TEX14: variants seen among roughly 807,000 people sequenced by gnomAD.
The protein encoded by TEX14 is testis expressed 14, intercellular bridge forming factor.
In TEX14, 168 loss-of-function variants were observed where a neutral mutation model predicts 178.6. That is an observed-to-expected ratio of 0.94 (90% CI 0.83 to 1.07). TEX14 has a LOEUF of 1.07. Ranked by LOEUF, TEX14 falls within the 50% of genes least tolerant of loss-of-function variation. TEX14 has a pLI of 0.00. For missense variants in TEX14, 1,730 were observed against 1,753.6 expected, an observed-to-expected ratio of 0.99 and a Z score of 0.24; for synonymous variants, 626 against 634.1, an observed-to-expected ratio of 0.99 and a Z score of 0.19.
intron 8 of TEX14, among the ~76,000 whole-genome samples, chr17:58,614,166 C>T (rs1054305665): frequency 1.3e-5 from 2 of 152,164 alleles, no homozygotes; most frequent in African/African-American, 2.4e-5. Context: ...TATCATTATA[C>T]TCATTTTATA....
chr17:58,591,568 T>C (rs2567892), intron 15 of TEX14, among the ~76,000 whole-genome samples: 96,718 of 151,904 alleles, frequency 0.64, 31,171 homozygotes, highest in African/African-American at 0.71. Flanking sequence ...TTCCTTCATT[T>C]TCCCTTACAT....
chr17:58,585,897 C>A lies in TEX14; in HGVS notation c.2974G>T (p.Asp992Tyr), dbSNP rs374944747. The change falls in exon 18 of 32, where the codon GAT (aspartate) becomes TAT (tyrosine). Residue 992 changes from aspartate (D) to tyrosine (Y), a missense_variant. Coordinates refer to ENST00000349033, the MANE Select transcript of TEX14 (RefSeq NM_031272.5). ...AACTTGCCATTTCCTCTGGGCTCAT[C>A]ATTTTCCCTATGATACTCAATAACT... is the stretch of plus-strand genomic sequence containing the variant. ...QRVIEYHREN[D>Y]EPRGNGKFDK... 1 of 1,613,930 alleles carries A rather than the reference C, an allele frequency of 6.2e-7. No individual in the cohort carries two copies.
chr17:58,612,722 G>C (rs2045775870), intron 9 of TEX14, among the ~76,000 whole-genome samples: 1 of 135,474 alleles, frequency 7.4e-6, no homozygotes, highest in Admixed American at 7.7e-5. Context: ...GTGACAGAAG[G>C]AGACTCTTGT....
intron 1 of TEX14, among the ~76,000 whole-genome samples, chr17:58,684,160 G>GA (rs1298154095): frequency 1.4e-5 from 2 of 147,614 alleles, no homozygotes; most frequent in Non-Finnish European, 1.5e-5. Flanking sequence ...CAACTGGAAA[G>GA]AAAAAAAAAT....
At chr17:58,605,498 A>G (rs181227255) in intron 10 of TEX14, among the ~76,000 whole-genome samples, 28 of 152,324 alleles carry the variant, frequency 1.8e-4, no homozygotes, top group Admixed American at 1.6e-3. Context: ...CTAGCTAGAC[A>G]ATGAGCTAGT....
chr17:58,601,987 A>G (rs1351817960), intron 12 of TEX14, 31 bp from the exon 13 acceptor site: 1 of 1,609,750 alleles, frequency 6.2e-7, no homozygotes, highest in East Asian at 2.2e-5. Flanking sequence ...TCAAGGACAT[A>G]GTCTCAGTCA....
At chr17:58,578,762 T>C (rs767119691) in intron 20 of TEX14, among the ~76,000 whole-genome samples, 1 of 152,224 alleles carries the variant, frequency 6.6e-6, no homozygotes, top group Non-Finnish European at 1.5e-5. Flanking sequence ...ATACATATTA[T>C]GCTGAGACTT....
intron 2 of TEX14, 64 bp from the exon 3 acceptor site, chr17:58,630,618 G>T (rs1379040474): frequency 8.1e-6 from 9 of 1,107,610 alleles, no homozygotes; most frequent in Non-Finnish European, 1.1e-5. Context: ...AACTGGGTAG[G>T]GGGTGGGGGA....
At chr17:58,628,483 C>A (rs1205835296) in intron 3 of TEX14, among the ~76,000 whole-genome samples, 1 of 152,108 alleles carries the variant, frequency 6.6e-6, no homozygotes, top group African/African-American at 2.4e-5. Context: ...GAGGCTAAGG[C>A]GGGCGGATCA....
intron 15 of TEX14, among the ~76,000 whole-genome samples, chr17:58,589,129 G>GGC (rs2045057062): frequency 6.6e-6 from 1 of 152,066 alleles, no homozygotes; most frequent in African/African-American, 2.4e-5. Context: ...TGGGCATGGT[G>GGC]GTGCATGCCT....
chr17:58,563,701 A>AGC (rs200846123), intron 28 of TEX14, among the ~76,000 whole-genome samples: 20 of 17,534 alleles, frequency 1.1e-3, no homozygotes, highest in Non-Finnish European at 1.4e-3. Context: ...AGAGAGAGAG[A>AGC]GCGCAAGATC....
chr17:58,572,112 C>T lies in TEX14; in HGVS notation c.3526G>A (p.Ala1176Thr). The change falls in exon 24 of 32, where the codon GCT (alanine) becomes ACT (threonine). Residue 1176 changes from alanine to threonine, a missense_variant. By Grantham distance (58) the Ala-to-Thr change is moderately conservative (BLOSUM62 0). Coordinates refer to ENST00000349033, the MANE Select transcript of TEX14 (RefSeq NM_031272.5). Reference protein sequence around the residue: ...TPLSPGSVSSAASQYKDCLES... With the variant: ...TPLSPGSVSSTASQYKDCLES... ...AGGCAGTCTTTATACTGACTGGCAG[C>T]TGAAGAAACGGACCCTGTTGGAGAA... The T allele has an allele frequency of 6.2e-7, 1 of 1,606,986 alleles. No individual in the cohort carries two copies. Among genetic ancestry groups the T allele is most frequent in the Non-Finnish European group, 8.5e-7 (1 of 1,174,048 alleles).
intron 19 of TEX14, chr17:58,581,652 A>G (rs766024168): frequency 1.9e-6 from 3 of 1,614,006 alleles, no homozygotes; most frequent in South Asian, 1.1e-5. Flanking sequence ...GAGTAAAAAT[A>G]TTCACCGTCT....
chr17:58,683,926 G>C (rs564502804), intron 1 of TEX14, among the ~76,000 whole-genome samples: 1 of 146,052 alleles, frequency 6.8e-6, no homozygotes, highest in Non-Finnish European at 1.5e-5. Flanking sequence ...TTAGCTGGGC[G>C]TGGTGGTGCA....
At position 58,586,072 on chromosome 17, in the gene TEX14, T is replaced by C. The variant is rs1236516257; in HGVS notation, c.2799A>G (p.Lys933=). The C allele has an allele frequency of 6.2e-7, 1 of 1,612,552 alleles. No homozygotes were observed. Among genetic ancestry groups the C allele is most frequent in the Admixed American group, 1.7e-5 (1 of 59,954 alleles). Residue 933 remains lysine (K), a synonymous_variant, in exon 18 of 32, where the codon AAA becomes AAG. Coordinates refer to ENST00000349033, the MANE Select transcript of TEX14 (RefSeq NM_031272.5). ...KVHLKWKMEV[K]EMAKKAATGQ... ...CAGTAGCTGCTTTCTTTGCCATTTC[T>C]TTCACCTCCACTGTGCATAAGAGAA...
intron 1 of TEX14, among the ~76,000 whole-genome samples, chr17:58,689,847 ATTTT>A (rs200475844): frequency 2.1e-5 from 3 of 141,268 alleles, no homozygotes; most frequent in African/African-American, 5.2e-5. Flanking sequence ...GGGCCAGAAG[ATTTT>A]TTTTTTTTTT....
chr17:58,605,287 C>CG (rs928940225), intron 10 of TEX14, among the ~76,000 whole-genome samples, 158 bp from the exon 11 acceptor site: 6 of 152,104 alleles, frequency 3.9e-5, no homozygotes, highest in African/African-American at 1.4e-4. Flanking sequence ...TGCCACCTCC[C>CG]GGGTTCAAGC....
At chr17:58,689,009 C>T (rs894805758) in intron 1 of TEX14, among the ~76,000 whole-genome samples, 3 of 152,084 alleles carry the variant, frequency 2.0e-5, no homozygotes, top group Non-Finnish European at 4.4e-5. Context: ...TGGCTCACTG[C>T]AAGCTCTGCC....
chr17:58,570,146 T>A (rs1312212566), intron 25 of TEX14, among the ~76,000 whole-genome samples: 1 of 137,956 alleles, frequency 7.2e-6, no homozygotes, highest in Non-Finnish European at 1.6e-5. Context: ...TATATATTTA[T>A]AAAAATATTT....
Sources: allele counts gnomAD v4.1 joint callset (sites outside exome capture counted in the v4.1 genomes callset), GRCh38; gene constraint gnomAD v4.1.1; transcripts MANE v1.5; gene names NCBI Gene and HGNC (gene_info 2026-07-23, HGNC 2026-07-21).